The following MAST4 variants were observed in gnomAD, a reference collection of about 807,000 sequenced individuals.
The protein encoded by MAST4 is microtubule-associated serine/threonine-protein kinase 4.
A neutral mutation model predicts 162.7 loss-of-function variants in MAST4; 89 were observed. That is an observed-to-expected ratio of 0.55 (90% CI 0.46 to 0.65). The LOEUF (loss-of-function observed/expected upper bound fraction) is 0.65. Ranked by LOEUF, MAST4 falls within the 30% of genes least tolerant of loss-of-function variation. The probability of loss-of-function intolerance (pLI) is 0.00; values close to 1 mark genes in which losing one functional copy is unlikely to be tolerated. For synonymous variants in MAST4, 1,479 were observed against 1,361.1 expected (o/e 1.09, Z -1.91); for missense variants, 3,153 against 3,374.0 (o/e 0.93, Z 1.62).
intron 19 of MAST4, among the ~76,000 whole-genome samples, chr5:67,137,678 T>A (rs1769839126): frequency 6.6e-6 from 1 of 152,226 alleles, no homozygotes; most frequent in South Asian, 2.1e-4. Flanking sequence ...GCTGTGCTAC[T>A]AGAGTTTATG....
chr5:66,804,305 T>G (rs1026740219), intron 3 of MAST4, among the ~76,000 whole-genome samples: 6 of 152,206 alleles, frequency 3.9e-5, no homozygotes, highest in Non-Finnish European at 5.9e-5. Flanking sequence ...CCCAGTGGCA[T>G]GCATTAATAA....
At chr5:67,122,517 C>T (rs1332215946) in intron 14 of MAST4, among the ~76,000 whole-genome samples, 2 of 152,168 alleles carry the variant, frequency 1.3e-5, no homozygotes, top group Non-Finnish European at 2.9e-5. Flanking sequence ...ATGGTTCTAG[C>T]ATGCAATTGT....
chr5:66,959,179 G>C (rs547534601), intron 4 of MAST4: 38 of 778,442 alleles, frequency 4.9e-5, no homozygotes, highest in East Asian at 2.7e-4. Context: ...TTGGCTCTCT[G>C]TCATCACCGG....
chr5:67,070,077 C>T (rs1760762589), intron 5 of MAST4, among the ~76,000 whole-genome samples: 1 of 151,898 alleles, frequency 6.6e-6, no homozygotes, highest in Non-Finnish European at 1.5e-5. Flanking sequence ...TTCCAGCATC[C>T]TTGAAATTGA....
At position 67,164,099 on chromosome 5, in the gene MAST4, C is replaced by A; in HGVS notation, c.4920C>A (p.Pro1640=). The change falls in exon 29 of 29, where the codon CCC becomes CCA. Residue 1640 remains proline (P), a synonymous_variant. Coordinates refer to ENST00000403625, the MANE Select transcript of MAST4 (RefSeq NM_001164664.2). The surrounding 1 kb of genome is among the most constrained non-coding windows in gnomAD (Gnocchi z 5.3). The stretch of plus-strand genomic sequence containing the variant: ...GTGGCGGGGACTTCAGACGGGCCCC[C>A]GCTCCTGGCACCCTCCAGGATGGTC... ...RQGGGDFRRA[P]APGTLQDGLC... The A allele has an allele frequency of 6.3e-7, 1 of 1,577,930 alleles. No individual in the cohort carries two copies. The highest frequency in any genetic ancestry group is 2.3e-5 in the East Asian group (1 of 43,316).
chr5:66,714,209 A>G (rs1360256394), intron 1 of MAST4, among the ~76,000 whole-genome samples: 7 of 152,050 alleles, frequency 4.6e-5, no homozygotes, highest in Non-Finnish European at 8.8e-5. Flanking sequence ...AACACCTAAT[A>G]TGCAAGGGGG....
At chr5:66,924,765 A>G (rs1764776901) in intron 4 of MAST4, among the ~76,000 whole-genome samples, 1 of 152,220 alleles carries the variant, frequency 6.6e-6, no homozygotes, top group African/African-American at 2.4e-5. Flanking sequence ...GAAAATACAG[A>G]TAAGAAAAAA....
chr5:67,103,113 T>G (rs1765210775), intron 9 of MAST4, among the ~76,000 whole-genome samples: 2 of 152,188 alleles, frequency 1.3e-5, no homozygotes, highest in African/African-American at 4.8e-5. Context: ...GAAGGCACAG[T>G]TGTCGTGTTC....
intron 3 of MAST4, among the ~76,000 whole-genome samples, chr5:66,884,395 T>C (rs1761904468): frequency 6.6e-6 from 1 of 152,178 alleles, no homozygotes; most frequent in Admixed American, 6.5e-5. Context: ...TGCACAACAC[T>C]CTTTGGGGAA....
At chr5:66,754,150 C>T (rs946604751) in intron 1 of MAST4, among the ~76,000 whole-genome samples, 1 of 149,902 alleles carries the variant, frequency 6.7e-6, no homozygotes, top group Non-Finnish European at 1.5e-5. Flanking sequence ...TGGGACGTAT[C>T]TCAAAATAAT....
At chr5:67,138,189 A>T (rs1399832075) in intron 19 of MAST4, among the ~76,000 whole-genome samples, 2 of 152,192 alleles carry the variant, frequency 1.3e-5, no homozygotes, top group African/African-American at 4.8e-5. Flanking sequence ...GTGCTACCTC[A>T]TAGGATTATT....
intron 3 of MAST4, among the ~76,000 whole-genome samples, chr5:66,841,284 A>G (rs968255186): frequency 3.9e-5 from 6 of 152,080 alleles, no homozygotes; most frequent in Non-Finnish European, 5.9e-5. Context: ...TACATTTGTG[A>G]CTCTGGAGCA....
chr5:66,873,261 A>T (rs534603848), intron 3 of MAST4, among the ~76,000 whole-genome samples: 1 of 152,226 alleles, frequency 6.6e-6, no homozygotes. Context: ...AGGAAGCCAT[A>T]GGAGAAGCCA....
At chr5:66,765,335 T>C (rs1054363789) in intron 2 of MAST4, among the ~76,000 whole-genome samples, 4 of 152,188 alleles carry the variant, frequency 2.6e-5, no homozygotes, top group African/African-American at 7.2e-5. Context: ...GTCACTGATA[T>C]AAAATGGTGT....
intron 1 of MAST4, among the ~76,000 whole-genome samples, chr5:66,731,606 G>T (rs1466375048): frequency 1.3e-5 from 2 of 151,260 alleles, no homozygotes; most frequent in African/African-American, 4.9e-5. Context: ...ACTTTTTTTT[G>T]TTGTTAACAA....
At chr5:67,004,029 T>C (rs947507869) in intron 4 of MAST4, 1 of 152,248 alleles carries the variant, frequency 6.6e-6, no homozygotes, top group African/African-American at 2.4e-5. Flanking sequence ...CCCGGAGCGT[T>C]GTCACTGCCA....
Position 66,709,816 on chromosome 5 carries a change from C to T in MAST4, c.364-49893C>T, listed in dbSNP as rs189597452. On this transcript the variant is annotated intron_variant, in intron 1 of 28. Transcript: ENST00000403625. Reference sequence around the variant, plus strand: ...AACTTACTAGCTTTGTGTTTCCTAACCTCTTTGAGCCTCCTGTGGCACCTG... The same window carrying T: ...AACTTACTAGCTTTGTGTTTCCTAATCTCTTTGAGCCTCCTGTGGCACCTG... Among the ~76,000 whole-genome samples the T allele has an allele frequency of 3.9e-4, 59 of 152,308 alleles. No individual in the cohort carries two copies. The South Asian group carries it at 4.4e-3, about 11-fold the overall frequency.
intron 1 of MAST4, among the ~76,000 whole-genome samples, chr5:66,611,628 G>A (rs1015514167): frequency 1.3e-5 from 2 of 152,100 alleles, no homozygotes; most frequent in Admixed American, 6.5e-5. Context: ...GTGAAATATG[G>A]GTTTTAAAAA....
Position 66,904,429 on chromosome 5 carries a change from A to T in MAST4, c.674+4447A>T, listed in dbSNP as rs568829122. 2.6e-5 allele frequency among the ~76,000 whole-genome samples: 4 copies of T among 152,344 alleles called. No homozygotes were observed. The South Asian group carries it at 8.3e-4, about 32-fold the overall frequency. ...AGCTCCTGTTTTTAAGTGGTATTTCAGATGTCTCCGTATAGAGAAGAAGGA... is the reference window on the plus strand; with the variant it reads ...AGCTCCTGTTTTTAAGTGGTATTTCTGATGTCTCCGTATAGAGAAGAAGGA... On this transcript the variant is annotated intron_variant, in intron 4 of 28. Coordinates refer to ENST00000403625, the MANE Select transcript of MAST4 (RefSeq NM_001164664.2).
Sources: gnomAD v4.1 joint callset for allele counts (sites outside exome capture counted in the v4.1 genomes callset) on GRCh38, gnomAD v4.1.1 for gene constraint, Gnocchi (gnomAD v3.1) non-coding constraint, MANE v1.5 for transcripts, NCBI Gene and HGNC (gene_info 2026-07-23, HGNC 2026-07-21) for gene names.